CNTNAP3B: variants seen among roughly 807,000 people sequenced by gnomAD.
The protein encoded by CNTNAP3B is contactin-associated protein-like 3B.
A neutral mutation model predicts 108.9 loss-of-function variants in CNTNAP3B; 25 were observed. That is an observed-to-expected ratio of 0.23 (90% CI 0.17 to 0.32). The LOEUF is 0.32. CNTNAP3B is among the 10% of genes least tolerant of loss of function. The probability of loss-of-function intolerance (pLI) is 1.00; values close to 1 mark genes in which losing one functional copy is unlikely to be tolerated. For synonymous variants in CNTNAP3B, 103 were observed against 473.4 expected, an observed-to-expected ratio of 0.22 and a Z score of 10.16; for missense variants, 252 against 1,210.4, an observed-to-expected ratio of 0.21 and a Z score of 11.75.
At chr9:42,063,552 G>C (rs1244763146) in intron 3 of CNTNAP3B, among the ~76,000 whole-genome samples, 2 of 135,036 alleles carry the variant, frequency 1.5e-5, no homozygotes, top group African/African-American at 6.0e-5. Context: ...TGCTTGGATT[G>C]AATCTGATTA....
At chr9:42,066,122 A>C (rs1827259974) in intron 3 of CNTNAP3B, among the ~76,000 whole-genome samples, 1 of 136,096 alleles carries the variant, frequency 7.3e-6, no homozygotes, top group African/African-American at 2.9e-5. Flanking sequence ...ACATCATTTT[A>C]TTATGGGTTA....
chr9:42,036,369 T>G (rs1194253289), intron 3 of CNTNAP3B, among the ~76,000 whole-genome samples: 1 of 140,674 alleles, frequency 7.1e-6, no homozygotes, highest in Non-Finnish European at 1.5e-5. Flanking sequence ...TATTTTATTT[T>G]TGCACAGTGC....
At chr9:42,042,076 G>A (rs1477169471) in intron 3 of CNTNAP3B, among the ~76,000 whole-genome samples, 10 of 140,782 alleles carry the variant, frequency 7.1e-5, no homozygotes, top group Admixed American at 6.4e-4. Context: ...TCACACACTG[G>A]GGCCTGTCGT....
At position 42,125,011 on chromosome 9, in the gene CNTNAP3B, G is replaced by C. The variant is rs999649909; in HGVS notation, c.85+3999C>G. ...GAATGGTTTTTTAAAGTAACCATTT[G>C]ATTTTGAAACCAATTTACAGAAAAC... is the stretch of plus-strand genomic sequence containing the variant. On this transcript the variant is annotated intron_variant, in intron 1 of 23. Coordinates refer to ENST00000377561, the MANE Select transcript of CNTNAP3B (RefSeq NM_001201380.3). 9.2e-5 allele frequency among the ~76,000 whole-genome samples: 12 copies of C among 130,836 alleles called. 3 individuals carry two copies. Among genetic ancestry groups the C allele is most frequent in the African/African-American group, 2.8e-4 (9 of 31,870 alleles). The allele number at this position is 130,836 out of a possible 152,430, so 85.8% of individuals were successfully genotyped here. A position where few individuals can be genotyped will look rare whatever the true frequency, so the allele number is the denominator to read the frequency against.
chr9:41,995,524 G>A (rs1825879418), intron 7 of CNTNAP3B, among the ~76,000 whole-genome samples: 1 of 135,250 alleles, frequency 7.4e-6, no homozygotes, highest in African/African-American at 3.0e-5. Context: ...TCACGAGGTT[G>A]GGAAATCGAG....
rs1177840190 is a variant in CNTNAP3B at position 42,021,907 on chromosome 9, T to A, written c.391-8382A>T. 3.0e-5 allele frequency among the ~76,000 whole-genome samples: 4 copies of A among 132,646 alleles called. 1 individual carries two copies. Among genetic ancestry groups the A allele is most frequent in the Non-Finnish European group, 6.3e-5 (4 of 63,188 alleles). The allele number at this position is 132,646 out of a possible 152,430, so 87.0% of individuals were successfully genotyped here. On this transcript the variant is annotated intron_variant, in intron 3 of 23. Coordinates refer to ENST00000377561, the MANE Select transcript of CNTNAP3B (RefSeq NM_001201380.3). ...AAATTATGGCAATGGGGAGACCTGATCTAGTTAACCCCCTTCTTGCCCTTG... is the reference window on the plus strand; with the variant it reads ...AAATTATGGCAATGGGGAGACCTGAACTAGTTAACCCCCTTCTTGCCCTTG...
At chr9:41,960,601 G>A (rs28691128) in intron 12 of CNTNAP3B, among the ~76,000 whole-genome samples, 172 bp downstream of exon 12, 15,665 of 137,864 alleles carry the variant, frequency 0.11, no homozygotes, top group African/African-American at 0.19. Context: ...TCCAACCCAG[G>A]CAAAGAAGAA....
intron 1 of CNTNAP3B, among the ~76,000 whole-genome samples, chr9:42,126,442 T>G (rs1232735131): frequency 3.7e-5 from 5 of 135,538 alleles, no homozygotes; most frequent in Non-Finnish European, 7.8e-5. Context: ...CTATGGGCAC[T>G]GAAGTTACGA....
chr9:41,950,675 G>A (rs77229440), intron 13 of CNTNAP3B, among the ~76,000 whole-genome samples: 5 of 146,338 alleles, frequency 3.4e-5, no homozygotes, highest in Admixed American at 1.4e-4. Context: ...CATTCTTGAA[G>A]TTTAAAAAAA....
At chr9:41,933,990 G>A (rs1485835917) in intron 14 of CNTNAP3B, among the ~76,000 whole-genome samples, 2 of 151,488 alleles carry the variant, frequency 1.3e-5, no homozygotes, top group African/African-American at 4.9e-5. Context: ...TATCAAGTTT[G>A]TTAATTATAA....
Position 41,964,641 on chromosome 9 carries a change from G to C in CNTNAP3B, c.1653C>G (p.Cys551Trp). 6.7e-7 allele frequency: 1 copy of C among 1,484,582 alleles called. No individual in the cohort carries two copies. Among genetic ancestry groups the C allele is most frequent in the Admixed American group, 2.7e-5 (1 of 37,284 alleles). The allele number at this position is 1,484,582 out of a possible 1,614,324, so 92.0% of individuals were successfully genotyped here. A position where few individuals can be genotyped will look rare whatever the true frequency, so the allele number is the denominator to read the frequency against. The change falls in exon 11 of 24, where the codon TGC becomes TGG. Residue 551 changes from cysteine to tryptophan, a missense_variant. By Grantham distance (215) the Cys-to-Trp change is radical. Coordinates refer to ENST00000377561, the MANE Select transcript of CNTNAP3B (RefSeq NM_001201380.3). Reference protein sequence around the residue: ...QIDSCGITDRCLPSYCEHGGE... With the variant: ...QIDSCGITDRWLPSYCEHGGE... ...CCCCATGCTCACAGTAGCTGGGCAA[G>C]CACCTAAAAGAAAACAGATACAACT...
At chr9:41,932,386 A>G (rs1310912230) in intron 14 of CNTNAP3B, among the ~76,000 whole-genome samples, 2 of 151,948 alleles carry the variant, frequency 1.3e-5, no homozygotes, top group Non-Finnish European at 2.9e-5. Flanking sequence ...AGGAAGTGTG[A>G]AAACTTCTAA....
At position 42,095,638 on chromosome 9, in the gene CNTNAP3B, C is replaced by T. The variant is rs1243163949; in HGVS notation, c.196+8991G>A. On this transcript the variant is annotated intron_variant, in intron 2 of 23. Transcript: ENST00000377561. ...AAAATGTAACTTCATTTCTCCATAACCCAGAAAGCTTTCTAGTAGGAGCTG... is the reference window on the plus strand; with the variant it reads ...AAAATGTAACTTCATTTCTCCATAATCCAGAAAGCTTTCTAGTAGGAGCTG... 5.8e-5 allele frequency among the ~76,000 whole-genome samples: 8 copies of T among 138,220 alleles called. 1 individual carries two copies. The highest frequency in any genetic ancestry group is 1.2e-4 in the Non-Finnish European group (8 of 64,692). 90.7% of individuals were successfully genotyped at this position (138,220 alleles called of 152,430 possible). A position where few individuals can be genotyped will look rare whatever the true frequency, so the allele number is the denominator to read the frequency against.
chr9:41,918,226 G>T (rs1190345370), intron 18 of CNTNAP3B, among the ~76,000 whole-genome samples: 1 of 150,590 alleles, frequency 6.6e-6, no homozygotes, highest in Non-Finnish European at 1.5e-5. Flanking sequence ...CTAGAGAAAA[G>T]GTGATTTGAA....
At chr9:42,097,297 A>C (rs1372002697) in intron 2 of CNTNAP3B, among the ~76,000 whole-genome samples, 1 of 140,228 alleles carries the variant, frequency 7.1e-6, no homozygotes, top group East Asian at 2.1e-4. Flanking sequence ...CGTCCAAGTT[A>C]GTTCCAATTT....
rs1282853242 is a variant in CNTNAP3B at position 42,116,183 on chromosome 9, A to G, written c.86-11444T>C. ...GAAGTTTAGAGAAAAAAGAGTAAAAAGAAATGAACAAAGCCTCCAAGAAAT... is the reference window on the plus strand; with the variant it reads ...GAAGTTTAGAGAAAAAAGAGTAAAAGGAAATGAACAAAGCCTCCAAGAAAT... On this transcript the variant is annotated intron_variant, in intron 1 of 23. Coordinates refer to ENST00000377561, the MANE Select transcript of CNTNAP3B (RefSeq NM_001201380.3). Among the ~76,000 whole-genome samples, 6 of 138,860 alleles carry G rather than the reference A, an allele frequency of 4.3e-5. 2 individuals are homozygous for G. The highest frequency in any genetic ancestry group is 8.6e-5 in the African/African-American group (3 of 34,878). 91.1% of individuals were successfully genotyped at this position (138,860 alleles called of 152,430 possible). A position where few individuals can be genotyped will look rare whatever the true frequency, so the allele number is the denominator to read the frequency against.
intron 1 of CNTNAP3B, among the ~76,000 whole-genome samples, chr9:42,122,342 C>G (rs569350381): frequency 6.4e-4 from 89 of 138,450 alleles, no homozygotes; most frequent in Non-Finnish European, 2.2e-4. Context: ...TAGTTACTTT[C>G]TTAAAGCTAA....
At chr9:42,026,337 C>A (rs1826406333) in intron 3 of CNTNAP3B, among the ~76,000 whole-genome samples, 1 of 45,560 alleles carries the variant, frequency 2.2e-5, no homozygotes. Context: ...TGGCTCATGC[C>A]TGCAATCCCA....
Position 42,110,099 on chromosome 9 carries a change from G to A in CNTNAP3B, c.86-5360C>T, listed in dbSNP as rs1453954666. On this transcript the variant is annotated intron_variant, in intron 1 of 23. Coordinates refer to ENST00000377561, the MANE Select transcript of CNTNAP3B (RefSeq NM_001201380.3). Reference sequence around the variant, plus strand: ...AGACTATGACAGAATAAATTCTTTTGCTTTAAGTCTGCCAGTTTATGGTCA... The same window carrying A: ...AGACTATGACAGAATAAATTCTTTTACTTTAAGTCTGCCAGTTTATGGTCA... Among the ~76,000 whole-genome samples, 2 of 134,508 alleles carry A rather than the reference G, an allele frequency of 1.5e-5. 1 individual carries two copies. The highest frequency in any genetic ancestry group is 6.0e-5 in the African/African-American group (2 of 33,482). The allele number at this position is 134,508 out of a possible 152,430, so 88.2% of individuals were successfully genotyped here. A position where few individuals can be genotyped will look rare whatever the true frequency, so the allele number is the denominator to read the frequency against.
Sources: allele counts gnomAD v4.1 joint callset (sites outside exome capture counted in the v4.1 genomes callset), GRCh38; gene constraint gnomAD v4.1.1; transcripts MANE v1.5; gene names NCBI Gene and HGNC (gene_info 2026-07-23, HGNC 2026-07-21).